TPO: variants seen among roughly 807,000 people sequenced by gnomAD.
The protein encoded by TPO is thyroid peroxidase.
TPO carries 78 observed loss-of-function variants against 96.9 expected under a neutral mutation model. The ratio of observed to expected loss-of-function variants is 0.81; its 90% CI spans 0.67 to 0.97. The LOEUF (loss-of-function observed/expected upper bound fraction) is 0.97, where lower values mean the gene tolerates loss of function less well. TPO is among the 50% of genes least tolerant of loss of function. TPO has a pLI of 0.00. For missense variants in TPO, 1,252 were observed against 1,274.8 expected (o/e 0.98, Z 0.27); for synonymous variants, 547 against 538.0 (o/e 1.02, Z -0.23).
intron 8 of TPO, among the ~76,000 whole-genome samples, chr2:1,478,894 C>A (rs1269678835): frequency 6.6e-6 from 1 of 152,096 alleles, no homozygotes; most frequent in East Asian, 1.9e-4. Flanking sequence ...TAACGCACAT[C>A]CACACAGCAA....
chr2:1,377,073 G>A (rs957993718), intron 1 of TPO, among the ~76,000 whole-genome samples: 4 of 152,072 alleles, frequency 2.6e-5, no homozygotes, highest in Non-Finnish European at 5.9e-5. Flanking sequence ...GTCAGAGCTC[G>A]GCCACTTAAA....
chr2:1,519,400 A>G (rs1675024407), intron 15 of TPO, among the ~76,000 whole-genome samples: 1 of 152,180 alleles, frequency 6.6e-6, no homozygotes. Context: ...CGAGAAGATT[A>G]TATTCCACAT....
intron 13 of TPO, among the ~76,000 whole-genome samples, 196 bp downstream of exon 13, chr2:1,496,961 G>A (rs191870691): frequency 1.2e-3 from 189 of 152,282 alleles, no homozygotes; most frequent in African/African-American, 4.5e-3. Context: ...TCTAGGTAGT[G>A]AGGCCTCAGG....
At chr2:1,407,085 A>G (rs1231700913) in intron 1 of TPO, among the ~76,000 whole-genome samples, 1 of 152,220 alleles carries the variant, frequency 6.6e-6, no homozygotes, top group Admixed American at 6.5e-5. Context: ...AGGGTTTGTA[A>G]GGAAAATATG....
chr2:1,397,004 A>G (rs1429492533), intron 1 of TPO, among the ~76,000 whole-genome samples: 2 of 151,514 alleles, frequency 1.3e-5, no homozygotes, highest in Admixed American at 1.3e-4. Context: ...TTTCCAAATG[A>G]GACTTGCTAT....
chr2:1,472,546 C>G (rs1203975774), intron 7 of TPO, among the ~76,000 whole-genome samples: 3 of 152,110 alleles, frequency 2.0e-5, no homozygotes, highest in Non-Finnish European at 4.4e-5. Flanking sequence ...GGGAATCCCC[C>G]CAGTGGAGCG....
Position 1,376,426 on chromosome 2 carries a change from A to G in TPO, n.180+2024A>G, listed in dbSNP as rs114449330. Among the ~76,000 whole-genome samples the G allele has an allele frequency of 6.9e-3, 1,054 of 152,340 alleles. 23 individuals are homozygous for G. Among genetic ancestry groups the G allele is most frequent in the African/African-American group, 0.023 (967 of 41,572 alleles). The stretch of plus-strand genomic sequence containing the variant: ...ATTTTGTAGTATTCATAGAGATTCA[A>G]TTTCCACTTAGCCATTGATCCAAAG... On this transcript the variant is annotated intron_variant and non_coding_transcript_variant, in intron 1 of 5. Coordinates refer to the TPO transcript ENST00000497517.
intron 5 of TPO, among the ~76,000 whole-genome samples, chr2:1,438,645 C>T (rs4425120): frequency 0.32 from 47,532 of 148,060 alleles, 8,329 homozygotes; most frequent in South Asian, 0.49. Context: ...TGTGCAACAT[C>T]GTGGGCATCC....
At chr2:1,515,065 TC>T in intron 14 of TPO, among the ~76,000 whole-genome samples, 1 of 152,252 alleles carries the variant, frequency 6.6e-6, no homozygotes, top group South Asian at 2.1e-4. Context: ...GCCGGAAATG[TC>T]AAACACCAAT....
chr2:1,543,547 T>C lies in TPO; in HGVS notation c.*1073T>C, dbSNP rs1680944088. On this transcript the variant is annotated 3_prime_UTR_variant, in exon 17 of 17. Transcript: ENST00000329066. The stretch of plus-strand genomic sequence containing the variant: ...CATGGTTTGCTTTTTATAACTTTTG[T>C]GACCCAAAAATACCAGACTGTTGTT... The C allele has an allele frequency of 6.6e-6, 1 of 152,200 alleles. No homozygotes were observed. Among genetic ancestry groups the C allele is most frequent in the South Asian group, 2.1e-4 (1 of 4,822 alleles). 9.4% of individuals were successfully genotyped at this position (152,200 alleles called of 1,614,324 possible).
At chr2:1,440,183 C>T (rs529454278) in intron 5 of TPO, among the ~76,000 whole-genome samples, 6 of 148,808 alleles carry the variant, frequency 4.0e-5, no homozygotes, top group South Asian at 4.2e-4. Flanking sequence ...GCGTTTCCAC[C>T]GTGCTGCATT....
rs560557005 is a variant in TPO, at chr2:1,469,436, G to C, written c.820-7650G>C. On this transcript the variant is annotated intron_variant, in intron 7 of 16. Coordinates refer to ENST00000329066, the MANE Select transcript of TPO (RefSeq NM_001206744.2). ...ATTAGTACTCTCCCTGTTTCCTAGGGATGTGGCTTCCTGAGAGCTAAGGTG... is the reference window on the plus strand; with the variant it reads ...ATTAGTACTCTCCCTGTTTCCTAGGCATGTGGCTTCCTGAGAGCTAAGGTG... Among the ~76,000 whole-genome samples the C allele has an allele frequency of 3.3e-5, 5 of 152,280 alleles. No homozygotes were observed. In the South Asian group the frequency reaches 1.0e-3, roughly 32 times the overall value.
rs941865383 is a variant in TPO, at chr2:1,477,253, G to A, written c.987G>A (p.Val329=). The A allele has an allele frequency of 3.1e-6, 5 of 1,607,274 alleles. No homozygotes were observed. The South Asian group carries it at 5.6e-5, about 18-fold the overall frequency. Residue 329 remains valine (V), a synonymous_variant, in exon 8 of 17, where the codon GTG becomes GTA. Transcript: ENST00000329066. ...CCTCGTTCCTGGACGCGTCCACCGT[G>A]TATGGCAGCTCCCCGGCCCTAGAGA... The part of the protein sequence containing the change: ...GLTSFLDAST[V]YGSSPALERQ...
At chr2:1,392,566 G>T (rs896542475) in intron 1 of TPO, among the ~76,000 whole-genome samples, 1 of 152,170 alleles carries the variant, frequency 6.6e-6, no homozygotes, top group Non-Finnish European at 1.5e-5. Flanking sequence ...TTGGAATAGT[G>T]TCAGAAGGAA....
intron 15 of TPO, among the ~76,000 whole-genome samples, chr2:1,539,217 C>T (rs372938479): frequency 5.9e-5 from 9 of 152,302 alleles, no homozygotes; most frequent in South Asian, 2.1e-4. Context: ...GCTTTCACAT[C>T]GCACGAACAC....
chr2:1,401,951 C>T (rs180933915), intron 1 of TPO, among the ~76,000 whole-genome samples: 8 of 152,308 alleles, frequency 5.3e-5, no homozygotes, highest in Admixed American at 2.6e-4. Flanking sequence ...GAGATCCTAC[C>T]GAGCAAGCCA....
At position 1,422,309 on chromosome 2, in the gene TPO, C is replaced by CCTGGACAGACCTCGTGCAGGCGCCGCG. The variant is rs1663673020; in HGVS notation, c.95-712_95-711insGCGCTGGACAGACCTCGTGCAGGCGCC. 1.3e-4 allele frequency among the ~76,000 whole-genome samples: 14 copies of CCTGGACAGACCTCGTGCAGGCGCCGCG among 105,822 alleles called. 1 individual carries two copies. The highest frequency in any genetic ancestry group is 1.1e-3 in the South Asian group (3 of 2,724). 69.4% of individuals were successfully genotyped at this position (105,822 alleles called of 152,430 possible). On this transcript the variant is annotated intron_variant, in intron 2 of 16. Transcript: ENST00000329066. The stretch of plus-strand genomic sequence containing the variant: ...CCTTGAAGACCCCGCAGGCGCCTCT[C>CCTGGACAGACCTCGTGCAGGCGCCGCG]CTGGACAGACCTCGTGCAGGCGCCT...
chr2:1,522,897 TC>T (rs1675489430), intron 15 of TPO, among the ~76,000 whole-genome samples: 3 of 107,892 alleles, frequency 2.8e-5, no homozygotes, highest in South Asian at 3.3e-4. Context: ...CCTCCTCAAA[TC>T]CCCCCACTGT....
chr2:1,396,612 C>T (rs1047196721), intron 1 of TPO, among the ~76,000 whole-genome samples: 2 of 152,154 alleles, frequency 1.3e-5, no homozygotes, highest in African/African-American at 2.4e-5. Flanking sequence ...CAGAATGAGC[C>T]GCTGTTCTTT....
Sources: gnomAD v4.1 joint callset for allele counts (sites outside exome capture counted in the v4.1 genomes callset) on GRCh38, gnomAD v4.1.1 for gene constraint, MANE v1.5 for transcripts, NCBI Gene and HGNC (gene_info 2026-07-23, HGNC 2026-07-21) for gene names.